Variants in LARGE1 observed in about 807,000 individuals in gnomAD.
LARGE1 encodes the protein LARGE xylosyl- and glucuronyltransferase 1, also known as xylosyl- and glucuronyltransferase LARGE1.
In LARGE1, 43 loss-of-function variants were observed where a neutral mutation model predicts 87.6. The ratio of observed to expected loss-of-function variants is 0.49; its 90% CI spans 0.38 to 0.63. The LOEUF is 0.63. Among genes scored for constraint, LARGE1 ranks in the 30% least tolerant of loss-of-function variants. LARGE1 has a pLI of 0.00. For synonymous variants in LARGE1, 434 were observed against 394.6 expected, an observed-to-expected ratio of 1.10 and a Z score of -1.18; for missense variants, 802 against 1,000.2, an observed-to-expected ratio of 0.80 and a Z score of 2.67.
At chr22:33,485,498 T>G (rs543135393) in intron 6 of LARGE1, among the ~76,000 whole-genome samples, 34 of 152,236 alleles carry the variant, frequency 2.2e-4, no homozygotes, top group Non-Finnish European at 2.8e-4. Flanking sequence ...AGTTCATTTT[T>G]TTAAATAAAA....
At chr22:33,689,636 G>A (rs1399950326) in intron 2 of LARGE1, among the ~76,000 whole-genome samples, 1 of 152,054 alleles carries the variant, frequency 6.6e-6, no homozygotes, top group Non-Finnish European at 1.5e-5. Context: ...AGGTGAGGTG[G>A]GGGAGAATTA....
intron 11 of LARGE1, among the ~76,000 whole-genome samples, chr22:33,233,996 T>C (rs1002463258): frequency 6.6e-6 from 1 of 152,196 alleles, no homozygotes; most frequent in African/African-American, 2.4e-5. Flanking sequence ...TGGACCAAAA[T>C]GTCCTACCAA....
At chr22:33,604,226 C>G (rs1432985018) in intron 5 of LARGE1, among the ~76,000 whole-genome samples, 1 of 152,190 alleles carries the variant, frequency 6.6e-6, no homozygotes, top group Non-Finnish European at 1.5e-5. Flanking sequence ...GGTCAAAACT[C>G]ACAGACCAAA....
chr22:33,368,644 G>T (rs1438219199), intron 9 of LARGE1, among the ~76,000 whole-genome samples: 1 of 151,862 alleles, frequency 6.6e-6, no homozygotes, highest in Non-Finnish European at 1.5e-5. Context: ...GTGTGTGTGT[G>T]CCTGTTTGTG....
chr22:33,382,153 T>C (rs2065181222), intron 8 of LARGE1, 109 bp from the exon 9 acceptor site: 1 of 1,416,218 alleles, frequency 7.1e-7, no homozygotes, highest in South Asian at 1.3e-5. Flanking sequence ...TTGAACCTCC[T>C]GCTCTGAACA....
Position 33,273,385 on chromosome 22 carries a change from C to A in LARGE1, c.*1042G>T. ...CCAATCACTTTCTTCCTGTAGGTCT[C>A]CAGATGGATACGTGAATCTTCAGAA... On this transcript the variant is annotated 3_prime_UTR_variant, in exon 15 of 15. Transcript: ENST00000397394. 1 of 398,828 alleles carries A rather than the reference C, an allele frequency of 2.5e-6. No homozygotes were observed. Among genetic ancestry groups the A allele is most frequent in the South Asian group, 1.3e-4 (1 of 7,838 alleles). The allele number at this position is 398,828 out of a possible 1,614,324, so 24.7% of individuals were successfully genotyped here.
rs1442927782 is a variant in LARGE1, at chr22:33,614,007, CTCAA to C, written c.492-9453_492-9450del. Reference sequence around the variant, plus strand: ...CCCCCACCCAGCTGTATGCCACACACTCAATCAACCTCAAGTCCTGAAAGGCAGC... The same window carrying C: ...CCCCCACCCAGCTGTATGCCACACACTCAACCTCAAGTCCTGAAAGGCAGC... On this transcript the variant is annotated intron_variant, in intron 4 of 14. Coordinates refer to ENST00000397394, the MANE Select transcript of LARGE1 (RefSeq NM_133642.5). 3.3e-5 allele frequency among the ~76,000 whole-genome samples: 5 copies of C among 152,264 alleles called. No individual in the cohort carries two copies. In the East Asian group the frequency reaches 9.7e-4, roughly 29 times the overall value.
chr22:33,089,355 T>C, the LARGE1 span, among the ~76,000 whole-genome samples: 18 of 80,192 alleles, frequency 2.2e-4, no homozygotes, highest in African/African-American at 8.5e-4. Context: ...CTTCTTCTTC[T>C]TCTTCTTCTT....
At position 33,383,003 on chromosome 22, in the gene LARGE1, C is replaced by T. The variant is rs2065207185; in HGVS notation, c.1006-959G>A. 2.0e-5 allele frequency among the ~76,000 whole-genome samples: 3 copies of T among 152,062 alleles called. No individual in the cohort carries two copies. In the South Asian group the frequency reaches 6.2e-4, roughly 32 times the overall value. ...GTAATCATGCAGGGTTTCTTGTTTC[C>T]TCCGTATTATGAAACTTTGCAGGCA... On this transcript the variant is annotated intron_variant, in intron 8 of 14. Coordinates refer to ENST00000397394, the MANE Select transcript of LARGE1 (RefSeq NM_133642.5).
chr22:33,223,928 G>A (rs1337567998), intron 11 of LARGE1, among the ~76,000 whole-genome samples: 4 of 152,106 alleles, frequency 2.6e-5, no homozygotes, highest in East Asian at 3.9e-4. Flanking sequence ...ACCATTGGTC[G>A]GCATCCTCGT....
intron 4 of LARGE1, among the ~76,000 whole-genome samples, chr22:33,618,767 G>A (rs1396209232): frequency 6.6e-6 from 1 of 152,226 alleles, no homozygotes; most frequent in Non-Finnish European, 1.5e-5. Context: ...CAACCTTCAA[G>A]CCAGAAACAG....
At chr22:33,671,538 C>T (rs892562226) in intron 2 of LARGE1, among the ~76,000 whole-genome samples, 8 of 152,156 alleles carry the variant, frequency 5.3e-5, no homozygotes, top group South Asian at 2.1e-4. Context: ...TTTCCTGGTT[C>T]CATATTATTA....
At chr22:33,558,767 C>A (rs2148745609) in intron 6 of LARGE1, among the ~76,000 whole-genome samples, 1 of 152,310 alleles carries the variant, frequency 6.6e-6, no homozygotes. Flanking sequence ...CTACAAATGT[C>A]TTTTCAAAAG....
At chr22:33,734,817 A>T (rs1437190462) in intron 2 of LARGE1, among the ~76,000 whole-genome samples, 1 of 152,036 alleles carries the variant, frequency 6.6e-6, no homozygotes, top group African/African-American at 2.4e-5. Flanking sequence ...CCTTCAGAGT[A>T]AGGGGTTCAG....
intron 6 of LARGE1, among the ~76,000 whole-genome samples, chr22:33,473,780 A>G (rs771756450): frequency 1.8e-4 from 28 of 152,206 alleles, no homozygotes; most frequent in Admixed American, 1.8e-3. Context: ...GGTGCTGGGC[A>G]TATGAAAAGT....
At chr22:33,189,820 C>G (rs1923682400) in intron 11 of LARGE1, among the ~76,000 whole-genome samples, 2 of 152,260 alleles carry the variant, frequency 1.3e-5, no homozygotes, top group Admixed American at 6.5e-5. Flanking sequence ...CAATATGCCC[C>G]AGATCCAGAG....
At chr22:33,540,656 T>G (rs2077166494) in intron 6 of LARGE1, among the ~76,000 whole-genome samples, 1 of 152,114 alleles carries the variant, frequency 6.6e-6, no homozygotes, top group Non-Finnish European at 1.5e-5. Flanking sequence ...CTGGCCACAC[T>G]TCAGCATTAT....
At chr22:33,542,557 T>A (rs2077243554) in intron 6 of LARGE1, among the ~76,000 whole-genome samples, 1 of 150,276 alleles carries the variant, frequency 6.7e-6, no homozygotes, top group Non-Finnish European at 1.5e-5. Context: ...ATTCAATAAC[T>A]AATATTTTAG....
intron 11 of LARGE1, among the ~76,000 whole-genome samples, chr22:33,217,370 C>T (rs1453806714): frequency 1.3e-5 from 2 of 152,066 alleles, no homozygotes; most frequent in Non-Finnish European, 2.9e-5. Context: ...GGGTTGAGCT[C>T]AGCAATCTGT....
Sources: allele counts gnomAD v4.1 joint callset (sites outside exome capture counted in the v4.1 genomes callset), GRCh38; gene constraint gnomAD v4.1.1; transcripts MANE v1.5; gene names NCBI Gene and HGNC (gene_info 2026-07-23, HGNC 2026-07-21).